The following GRIK4 variants were observed in gnomAD, a reference collection of about 807,000 sequenced individuals.
The protein encoded by GRIK4 is glutamate ionotropic receptor kainate type subunit 4.
In GRIK4, 40 loss-of-function variants were observed where a neutral mutation model predicts 104.9. The observed-to-expected ratio is 0.38, with a 90% CI of 0.30 to 0.50. GRIK4 has a LOEUF of 0.50. GRIK4 is among the 20% of genes least tolerant of loss of function. The pLI, the probability that GRIK4 is intolerant of heterozygous loss-of-function variation, is 0.93. For missense variants in GRIK4, 1,047 were observed against 1,308.1 expected, an observed-to-expected ratio of 0.80 and a Z score of 3.08; for synonymous variants, 485 against 524.9, an observed-to-expected ratio of 0.92 and a Z score of 1.04.
In GRIK4 at chr11:120,637,527, G is replaced by A. The variant is rs537156988; in HGVS notation, c.-158-16158G>A. Among the ~76,000 whole-genome samples the A allele has an allele frequency of 1.6e-4, 24 of 152,326 alleles. 1 individual carries two copies. The highest frequency in any genetic ancestry group is 4.6e-4 in the Admixed American group (7 of 15,306). ...AGTGCTTTACAGAGCGCCTGGATAC[G>A]TAAAGCAGGACTGCTTCCCCTAGTA... is the stretch of plus-strand genomic sequence containing the variant. On this transcript the variant is annotated intron_variant, in intron 1 of 20. Coordinates refer to ENST00000527524, the MANE Select transcript of GRIK4 (RefSeq NM_014619.5).
intron 1 of GRIK4, among the ~76,000 whole-genome samples, chr11:120,644,890 T>C (rs1352208244): frequency 6.6e-6 from 1 of 151,962 alleles, no homozygotes; most frequent in Non-Finnish European, 1.5e-5. Context: ...ACTTAAAGTA[T>C]AATAATAATA....
intron 11 of GRIK4, among the ~76,000 whole-genome samples, chr11:120,880,627 G>A (rs1247496769): frequency 6.6e-6 from 1 of 152,134 alleles, no homozygotes; most frequent in African/African-American, 2.4e-5. Flanking sequence ...GTGTAAGAAC[G>A]TTTCTCCATT....
chr11:120,920,435 C>T (rs1032240056), intron 13 of GRIK4, among the ~76,000 whole-genome samples: 3 of 152,108 alleles, frequency 2.0e-5, no homozygotes, highest in African/African-American at 7.2e-5. Flanking sequence ...GGGACATGCT[C>T]ATCCAGGCCC....
rs1387056855 is a variant in GRIK4 at position 120,905,500 on chromosome 11, AG to A, written c.1476+8del. 3.0e-6 allele frequency: 3 copies of A among 1,016,908 alleles called. No homozygotes were observed. The African/African-American group carries it at 5.1e-5, about 17-fold the overall frequency. The allele number at this position is 1,016,908 out of a possible 1,614,324, so 63.0% of individuals were successfully genotyped here. On this transcript the variant is annotated splice_region_variant and intron_variant, in intron 13 of 20. Transcript: ENST00000527524. The surrounding 1 kb of genome is among the most constrained non-coding windows in gnomAD (Gnocchi z 5.1). ...CGGGGAGCTGATCGCTAGGGTAAGG[AG>A]AGGACAAGTGATCTGGGCCTGAGGG...
At chr11:120,867,727 A>G (rs552214716) in intron 9 of GRIK4, among the ~76,000 whole-genome samples, 31 of 151,966 alleles carry the variant, frequency 2.0e-4, no homozygotes, top group East Asian at 2.0e-4. Flanking sequence ...CCCCCAGGCC[A>G]TACCTGCCAG....
chr11:120,675,749 C>T (rs1003685271), intron 3 of GRIK4, among the ~76,000 whole-genome samples: 3 of 151,912 alleles, frequency 2.0e-5, no homozygotes, highest in Admixed American at 1.3e-4. Flanking sequence ...ATAATACTCA[C>T]CTTATAGAAT....
intron 3 of GRIK4, among the ~76,000 whole-genome samples, chr11:120,748,791 G>A (rs1000251554): frequency 2.0e-5 from 3 of 152,186 alleles, no homozygotes; most frequent in Non-Finnish European, 4.4e-5. Context: ...CCACAGGACA[G>A]CGAATTGCCC....
intron 13 of GRIK4, among the ~76,000 whole-genome samples, chr11:120,911,778 G>A (rs1464650898): frequency 2.0e-5 from 3 of 147,522 alleles, no homozygotes; most frequent in Admixed American, 2.0e-4. Context: ...GGAGGTGGAG[G>A]TTGCAGTGAG....
chr11:120,938,572 A>C (rs939913350), intron 13 of GRIK4, among the ~76,000 whole-genome samples: 11 of 152,210 alleles, frequency 7.2e-5, no homozygotes, highest in African/African-American at 2.7e-4. Context: ...TACACAAATC[A>C]TAATTCCCTT....
At chr11:120,616,892 T>C (rs1162740736) in intron 1 of GRIK4, among the ~76,000 whole-genome samples, 2 of 152,234 alleles carry the variant, frequency 1.3e-5, no homozygotes, top group South Asian at 2.1e-4. Flanking sequence ...GCAGTTTTTA[T>C]TGGGCTTTTG....
At chr11:120,534,537 G>A (rs1255198905) in intron 1 of GRIK4, among the ~76,000 whole-genome samples, 2 of 152,144 alleles carry the variant, frequency 1.3e-5, no homozygotes, top group Non-Finnish European at 2.9e-5. Context: ...CCACAAAAGA[G>A]ATCAGGAGAA....
intron 3 of GRIK4, among the ~76,000 whole-genome samples, chr11:120,718,204 C>A (rs541723137): frequency 6.6e-6 from 1 of 152,050 alleles, no homozygotes; most frequent in African/African-American, 2.4e-5. Context: ...CCCTGGAGTT[C>A]CTAATATGTC....
At chr11:120,847,733 A>G (rs773599125) in intron 8 of GRIK4, among the ~76,000 whole-genome samples, 1 of 152,366 alleles carries the variant, frequency 6.6e-6, no homozygotes, top group East Asian at 1.9e-4. Context: ...TTACTATCCT[A>G]TGTAAGGCAG....
rs561565668 is a variant in GRIK4, at chr11:120,903,354, T to G, written c.1273-1936T>G. On this transcript the variant is annotated intron_variant, in intron 12 of 20. Coordinates refer to ENST00000527524, the MANE Select transcript of GRIK4 (RefSeq NM_014619.5). The surrounding 1 kb of genome is among the most constrained non-coding windows in gnomAD (Gnocchi z 4.4). ...AGACTCAAGCCTATCTGCCCCACTTTCAGCACAACTCTGGGGCCAGCACGA... is the reference window on the plus strand; with the variant it reads ...AGACTCAAGCCTATCTGCCCCACTTGCAGCACAACTCTGGGGCCAGCACGA... 6.6e-6 allele frequency among the ~76,000 whole-genome samples: 1 copy of G among 152,100 alleles called. No individual in the cohort carries two copies. The highest frequency in any genetic ancestry group is 6.5e-5 in the Admixed American group (1 of 15,286).
At chr11:120,910,748 A>G (rs999767335) in intron 13 of GRIK4, among the ~76,000 whole-genome samples, 1 of 152,196 alleles carries the variant, frequency 6.6e-6, no homozygotes, top group African/African-American at 2.4e-5. Context: ...ACTCTTTGAT[A>G]GGGGCCCCAT....
In GRIK4 at chr11:120,653,952, C is replaced by A. The variant is rs555360599; in HGVS notation, c.-51+160C>A. Among the ~76,000 whole-genome samples the A allele has an allele frequency of 5.3e-5, 8 of 152,216 alleles. No homozygotes were observed. In the East Asian group the frequency reaches 1.5e-3, roughly 29 times the overall value. On this transcript the variant is annotated intron_variant, in intron 2 of 20. Transcript: ENST00000527524. ...CTCTGCACTCAGGATCAGCAAGGCT[C>A]CTACCTGTTGGGTGTCGAGAACAGG...
chr11:120,678,600 C>T (rs375793728), intron 3 of GRIK4, among the ~76,000 whole-genome samples: 4 of 149,560 alleles, frequency 2.7e-5, no homozygotes, highest in African/African-American at 7.4e-5. Context: ...ATAGACCAGG[C>T]GAGGGGCTCC....
At chr11:120,828,947 A>G (rs1358324316) in intron 6 of GRIK4, among the ~76,000 whole-genome samples, 5 of 152,148 alleles carry the variant, frequency 3.3e-5, no homozygotes, top group Admixed American at 1.3e-4. Flanking sequence ...GGAATAAAGC[A>G]TCCCCGGCAG....
At chr11:120,690,505 CT>C (rs879703364) in intron 3 of GRIK4, among the ~76,000 whole-genome samples, 1 of 152,384 alleles carries the variant, frequency 6.6e-6, no homozygotes, top group East Asian at 1.9e-4. Flanking sequence ...GCGCCAATCT[CT>C]TTTTATTCTA....
Sources: gnomAD v4.1 joint callset for allele counts (sites outside exome capture counted in the v4.1 genomes callset) on GRCh38, gnomAD v4.1.1 for gene constraint, Gnocchi (gnomAD v3.1) non-coding constraint, MANE v1.5 for transcripts, NCBI Gene and HGNC (gene_info 2026-07-23, HGNC 2026-07-21) for gene names.